The following TSHZ1 variants were observed in gnomAD, a reference collection of about 807,000 sequenced individuals.
The protein encoded by TSHZ1 is teashirt homolog 1.
A neutral mutation model predicts 67.1 loss-of-function variants in TSHZ1; 12 were observed. That is an observed-to-expected ratio of 0.18 (90% confidence interval 0.11 to 0.29). TSHZ1 has a LOEUF of 0.29. Among genes scored for constraint, TSHZ1 ranks in the 10% least tolerant of loss-of-function variants. The probability of loss-of-function intolerance (pLI) is 1.00; values close to 1 mark genes in which losing one functional copy is unlikely to be tolerated. For missense variants in TSHZ1, 1,305 were observed against 1,413.9 expected, an observed-to-expected ratio of 0.92 and a Z score of 1.23; for synonymous variants, 632 against 622.4, an observed-to-expected ratio of 1.02 and a Z score of -0.23.
At chr18:75,230,313 A>T (rs1599029656) in intron 1 of TSHZ1, among the ~76,000 whole-genome samples, 1 of 152,138 alleles carries the variant, frequency 6.6e-6, no homozygotes, top group Non-Finnish European at 1.5e-5. Context: ...ACTGACAGGC[A>T]CCCAGAGCTG....
At position 75,221,613 on chromosome 18, in the gene TSHZ1, A is replaced by AATAT. The variant is rs1304046726; in HGVS notation, c.40+9698_40+9699insTATA. Among the ~76,000 whole-genome samples the AATAT allele has an allele frequency of 1.2e-4, 19 of 152,356 alleles. 1 individual carries two copies. The East Asian group carries it at 3.5e-3, about 28-fold the overall frequency. ...TTTAAAATATATGGATTTAAAGCAC[A>AATAT]AGTATTGTGACTAATATTTATTTCA... On this transcript the variant is annotated intron_variant, in intron 1 of 1. Transcript: ENST00000580243.
chr18:75,211,170 C>T lies in TSHZ1; in HGVS notation c.-707C>T, dbSNP rs1168276020. 1 of 152,088 alleles carries T rather than the reference C, an allele frequency of 6.6e-6. No individual in the cohort carries two copies. Among genetic ancestry groups the T allele is most frequent in the East Asian group, 1.9e-4 (1 of 5,168 alleles). 9.4% of individuals were successfully genotyped at this position (152,088 alleles called of 1,614,324 possible). Reference sequence around the variant, plus strand: ...GAAGCGCGGGGCACCAAGTGGCGCTCCGGCGGGGTGACACTGTTTGATCTG... The same window carrying T: ...GAAGCGCGGGGCACCAAGTGGCGCTTCGGCGGGGTGACACTGTTTGATCTG... On this transcript the variant is annotated 5_prime_UTR_variant, in exon 1 of 2. Transcript: ENST00000580243.
chr18:75,281,815 G>T lies in TSHZ1; in HGVS notation c.41-3633G>T, dbSNP rs1025426136. The stretch of plus-strand genomic sequence containing the variant: ...CCTCCAGATGGCATCTGGAAGGGGG[G>T]CATGCTAGGTGCGGGCAGGGAGAGC... On this transcript the variant is annotated intron_variant, in intron 1 of 1. Coordinates refer to ENST00000580243, the MANE Select transcript of TSHZ1 (RefSeq NM_001308210.2). The surrounding 1 kb of genome is among the most constrained non-coding windows in gnomAD (Gnocchi z 5.3). 6.6e-6 allele frequency among the ~76,000 whole-genome samples: 1 copy of T among 152,094 alleles called. No homozygotes were observed. Among genetic ancestry groups the T allele is most frequent in the Non-Finnish European group, 1.5e-5 (1 of 67,992 alleles).
chr18:75,211,587 G>A lies in TSHZ1; in HGVS notation c.-290G>A, dbSNP rs1346448132. ...GCGCCCGCTGCTGCGCCCGCGGCCCGCGCCGGGGATGACTCCGGGCTCGGC... is the reference window on the plus strand; with the variant it reads ...GCGCCCGCTGCTGCGCCCGCGGCCCACGCCGGGGATGACTCCGGGCTCGGC... On this transcript the variant is annotated 5_prime_UTR_variant, in exon 1 of 2. Transcript: ENST00000580243. 7.0e-6 allele frequency: 1 copy of A among 143,448 alleles called. No homozygotes were observed. The highest frequency in any genetic ancestry group is 2.1e-4 in the East Asian group (1 of 4,730). The allele number at this position is 143,448 out of a possible 1,614,324, so 8.9% of individuals were successfully genotyped here. A position where few individuals can be genotyped will look rare whatever the true frequency, so the allele number is the denominator to read the frequency against.
chr18:75,284,581 C>A (rs1432571952), intron 1 of TSHZ1: 1 of 152,288 alleles, frequency 6.6e-6, no homozygotes, highest in Admixed American at 6.5e-5. Flanking sequence ...CACACGCCAC[C>A]ACTCTGCTTT....
intron 1 of TSHZ1, among the ~76,000 whole-genome samples, chr18:75,236,100 A>C (rs2023066883): frequency 6.6e-6 from 1 of 152,172 alleles, no homozygotes; most frequent in Non-Finnish European, 1.5e-5. Flanking sequence ...CATGATAGGA[A>C]GTGTGCGTGA....
In TSHZ1 at chr18:75,288,273, G is replaced by A. The variant is rs758379041; in HGVS notation, c.2866G>A (p.Gly956Arg). The A allele has an allele frequency of 2.2e-5, 35 of 1,614,020 alleles. No individual in the cohort carries two copies. The highest frequency in any genetic ancestry group is 3.3e-5 in the Admixed American group (2 of 60,006). ...GAAGTACCAGTTGAGGAGGACAGGG[G>A]GAACGAAATTCCTAAAGAACCTGGA... ...NVKYQLRRTG[G>R]TKFLKNLDTG... Residue 956 changes from glycine to arginine, a missense_variant, in exon 2 of 2, where the codon GGA (glycine) becomes AGA (arginine). Gly to Arg is a moderately radical substitution (Grantham distance 125, BLOSUM62 -2). Transcript: ENST00000580243. This position sits in a 1 kb window ranked among gnomAD's most constrained non-coding sequence, Gnocchi z 4.9.
At chr18:75,213,739 A>G (rs549356465) in intron 1 of TSHZ1, among the ~76,000 whole-genome samples, 1 of 152,192 alleles carries the variant, frequency 6.6e-6, no homozygotes, top group East Asian at 1.9e-4. Flanking sequence ...TTTTTCCAAT[A>G]TTGATTTAAT....
chr18:75,241,538 G>T (rs1045624906), intron 1 of TSHZ1, among the ~76,000 whole-genome samples: 13 of 152,160 alleles, frequency 8.5e-5, no homozygotes, highest in African/African-American at 3.1e-4. Context: ...GAGAGTTGAT[G>T]TCCGCGGATG....
chr18:75,271,454 T>G (rs1466868727), intron 1 of TSHZ1, among the ~76,000 whole-genome samples: 1 of 152,136 alleles, frequency 6.6e-6, no homozygotes, highest in Non-Finnish European at 1.5e-5. Context: ...TGAAATCCAC[T>G]CACCTGCAGA....
At chr18:75,218,127 C>T (rs1400603611) in intron 1 of TSHZ1, among the ~76,000 whole-genome samples, 5 of 152,102 alleles carry the variant, frequency 3.3e-5, no homozygotes, top group Non-Finnish European at 7.4e-5. Flanking sequence ...AAACAAAAGC[C>T]AGGACAATTT....
chr18:75,270,324 T>C (rs192895176), intron 1 of TSHZ1, among the ~76,000 whole-genome samples: 1 of 152,312 alleles, frequency 6.6e-6, no homozygotes. Context: ...ACACAGTTAA[T>C]ACATGTAGAG....
intron 1 of TSHZ1, among the ~76,000 whole-genome samples, chr18:75,271,879 A>G (rs1174696484): frequency 6.6e-6 from 1 of 152,194 alleles, no homozygotes; most frequent in Non-Finnish European, 1.5e-5. Context: ...TGCGAAGTTA[A>G]TGAATCTGGT....
chr18:75,286,486 C>A lies in TSHZ1; in HGVS notation c.1079C>A (p.Ala360Glu). 6.2e-7 allele frequency: 1 copy of A among 1,614,208 alleles called. No homozygotes were observed. Among genetic ancestry groups the A allele is most frequent in the Non-Finnish European group, 8.5e-7 (1 of 1,180,040 alleles). ...AAAAAGCGGGCGCTTCAGGACCTGG[C>A]GCCCCCCTGCTCCCCTGAGCCAGCA... ...STKKRALQDLAPPCSPEPAGM... is the reference protein window; with the variant it reads ...STKKRALQDLEPPCSPEPAGM... Residue 360 changes from alanine (A) to glutamate (E), a missense_variant, in exon 2 of 2, where the codon GCG becomes GAG. Transcript: ENST00000580243. This position sits in a 1 kb window ranked among gnomAD's most constrained non-coding sequence, Gnocchi z 5.1.
At chr18:75,244,179 T>A (rs1221711231) in intron 1 of TSHZ1, among the ~76,000 whole-genome samples, 1 of 152,094 alleles carries the variant, frequency 6.6e-6, no homozygotes, top group African/African-American at 2.4e-5. Flanking sequence ...GAGTTCCGGG[T>A]TCCCTTGCAC....
At chr18:75,212,177 G>A (rs1018404620) in intron 1 of TSHZ1, among the ~76,000 whole-genome samples, 1 of 152,194 alleles carries the variant, frequency 6.6e-6, no homozygotes, top group African/African-American at 2.4e-5. Context: ...GGGGGAGGCC[G>A]GGGGCCGCGG....
At chr18:75,240,892 A>G (rs1232981075) in intron 1 of TSHZ1, among the ~76,000 whole-genome samples, 2 of 152,202 alleles carry the variant, frequency 1.3e-5, no homozygotes, top group Admixed American at 1.3e-4. Flanking sequence ...AAAACCTGCT[A>G]TTTAGTTAAA....
At chr18:75,262,667 C>T (rs2023444966) in intron 1 of TSHZ1, among the ~76,000 whole-genome samples, 1 of 152,202 alleles carries the variant, frequency 6.6e-6, no homozygotes, top group Non-Finnish European at 1.5e-5. Context: ...TCTGGGATGG[C>T]AGCAGGGCAC....
Position 75,288,747 on chromosome 18 carries a change from C to A in TSHZ1, c.*106C>A, listed in dbSNP as rs962237483. The A allele has an allele frequency of 2.7e-6, 4 of 1,484,894 alleles. No homozygotes were observed. The highest frequency in any genetic ancestry group is 2.5e-5 in the Admixed American group (1 of 39,442). The allele number at this position is 1,484,894 out of a possible 1,614,324, so 92.0% of individuals were successfully genotyped here. On this transcript the variant is annotated 3_prime_UTR_variant, in exon 2 of 2. Coordinates refer to ENST00000580243, the MANE Select transcript of TSHZ1 (RefSeq NM_001308210.2). The surrounding 1 kb of genome is among the most constrained non-coding windows in gnomAD (Gnocchi z 4.9). ...CAGTCTTTCCTTTGTTGCTGGCCCG[C>A]CTCTCTGGACCTTGGTTTTCTTACA...
Sources: allele counts gnomAD v4.1 joint callset (sites outside exome capture counted in the v4.1 genomes callset), GRCh38; gene constraint gnomAD v4.1.1; non-coding constraint Gnocchi (gnomAD v3.1); transcripts MANE v1.5; gene names NCBI Gene and HGNC (gene_info 2026-07-23, HGNC 2026-07-21).